Variants in CCDC175 observed in about 807,000 individuals in gnomAD.
CCDC175 encodes coiled-coil domain-containing protein 175.
CCDC175 carries 100 observed loss-of-function variants against 114.6 expected under a neutral mutation model. The observed-to-expected ratio is 0.87, with a 90% CI of 0.74 to 1.03. CCDC175 has a LOEUF of 1.03. Ranked by LOEUF, CCDC175 falls within the 50% of genes least tolerant of loss-of-function variation. The pLI is 0.00. For missense variants in CCDC175, 880 were observed against 917.8 expected (o/e 0.96, Z 0.53); for synonymous variants, 306 against 308.7 (o/e 0.99, Z 0.09).
chr14:59,575,178 C>A, intron 1 of CCDC175, 150 bp from the exon 2 acceptor site: 1 of 492,016 alleles, frequency 2.0e-6, no homozygotes, highest in Non-Finnish European at 3.6e-6. Context: ...CTCTTTTGTA[C>A]TTATTTCCTA....
At chr14:59,543,307 A>C (rs1340770158) in intron 10 of CCDC175, 37 bp downstream of exon 10, 3 of 693,100 alleles carry the variant, frequency 4.3e-6, no homozygotes, top group Non-Finnish European at 6.9e-6. Context: ...AATGCAGAGA[A>C]AGTAAAGATA....
At chr14:59,522,232 C>G (rs1893463008) in intron 16 of CCDC175, among the ~76,000 whole-genome samples, 2 of 152,148 alleles carry the variant, frequency 1.3e-5, no homozygotes. Context: ...CCCAGGAACT[C>G]TGGAAATATG....
chr14:59,511,147 G>A (rs1050795943), intron 18 of CCDC175, among the ~76,000 whole-genome samples: 2 of 152,136 alleles, frequency 1.3e-5, no homozygotes, highest in Admixed American at 6.5e-5. Flanking sequence ...TTGGAATCAG[G>A]CAGGATCTGG....
At chr14:59,523,595 T>TG (rs1432796028) in intron 16 of CCDC175, among the ~76,000 whole-genome samples, 5 of 152,144 alleles carry the variant, frequency 3.3e-5, no homozygotes, top group African/African-American at 4.8e-5. Flanking sequence ...GCAAAACACT[T>TG]GGGGTACATT....
intron 13 of CCDC175, among the ~76,000 whole-genome samples, chr14:59,535,609 C>T (rs1343926382): frequency 6.6e-6 from 1 of 152,210 alleles, no homozygotes; most frequent in Non-Finnish European, 1.5e-5. Context: ...ATTGTTCTTC[C>T]TATGTCCACC....
intron 7 of CCDC175, among the ~76,000 whole-genome samples, chr14:59,553,242 C>T (rs1250154794): frequency 6.6e-6 from 1 of 152,186 alleles, no homozygotes; most frequent in Non-Finnish European, 1.5e-5. Flanking sequence ...CAAAGGGAAG[C>T]CCAGCAGATT....
intron 8 of CCDC175, among the ~76,000 whole-genome samples, chr14:59,547,834 T>C (rs1895207788): frequency 6.6e-6 from 1 of 152,212 alleles, no homozygotes; most frequent in East Asian, 1.9e-4. Flanking sequence ...TTAAAATTAA[T>C]AAATTATATT....
chr14:59,554,375 C>G, intron 7 of CCDC175, among the ~76,000 whole-genome samples: 1 of 151,976 alleles, frequency 6.6e-6, no homozygotes, highest in East Asian at 1.9e-4. Flanking sequence ...ACTGGGTACA[C>G]AATGAAATGA....
chr14:59,511,910 A>T (rs1371076301), intron 17 of CCDC175, 107 bp from the exon 18 acceptor site: 1 of 796,786 alleles, frequency 1.3e-6, no homozygotes, highest in Admixed American at 2.5e-5. Flanking sequence ...TTTATCTAAA[A>T]ATGTCTAGTT....
At chr14:59,516,409 G>A (rs889839771) in intron 17 of CCDC175, among the ~76,000 whole-genome samples, 2 of 152,104 alleles carry the variant, frequency 1.3e-5, no homozygotes, top group Admixed American at 6.5e-5. Flanking sequence ...CAACAAAATC[G>A]ATAGATTGCT....
At chr14:59,526,963 C>A in intron 15 of CCDC175, 132 bp downstream of exon 15, 1 of 535,244 alleles carries the variant, frequency 1.9e-6, no homozygotes, top group Non-Finnish European at 3.2e-6. Flanking sequence ...GATTGTTAAA[C>A]ATTGATATTG....
intron 17 of CCDC175, among the ~76,000 whole-genome samples, chr14:59,514,121 A>G (rs1265701828): frequency 6.6e-6 from 1 of 152,224 alleles, no homozygotes; most frequent in Non-Finnish European, 1.5e-5. Context: ...TGTTAGAAGG[A>G]AAACTAAAAA....
chr14:59,527,031 A>G (rs1419111301), intron 15 of CCDC175, 64 bp downstream of exon 15: 2 of 829,478 alleles, frequency 2.4e-6, no homozygotes, highest in Non-Finnish European at 3.6e-6. Flanking sequence ...GGTAAATACT[A>G]CCATCTGTAT....
intron 9 of CCDC175, among the ~76,000 whole-genome samples, chr14:59,544,023 T>G (rs913368955): frequency 1.3e-5 from 2 of 152,232 alleles, no homozygotes; most frequent in African/African-American, 2.4e-5. Context: ...GAGTGTGATC[T>G]TAAGCTAACA....
In CCDC175 at chr14:59,511,548, TAAA is replaced by T. The variant is rs34490884; in HGVS notation, c.2142+209_2142+211del. Among the ~76,000 whole-genome samples, 862 of 94,650 alleles carry T rather than the reference TAAA, an allele frequency of 9.1e-3. 14 individuals are homozygous for T. Among genetic ancestry groups the T allele is most frequent in the African/African-American group, 0.034 (830 of 24,362 alleles). 62.1% of individuals were successfully genotyped at this position (94,650 alleles called of 152,430 possible). A position where few individuals can be genotyped will look rare whatever the true frequency, so the allele number is the denominator to read the frequency against. ...ATTAAGATTTCATAGTGATATTTGG[TAAA>T]AAAAAAAAAAAAAAAAGACACATTT... is the stretch of plus-strand genomic sequence containing the variant. On this transcript the variant is annotated intron_variant, in intron 18 of 19. Transcript: ENST00000537690.
Position 59,511,749 on chromosome 14 carries a change from G to T in CCDC175, c.2142+11C>A. 6.5e-7 allele frequency: 1 copy of T among 1,533,902 alleles called. No individual in the cohort carries two copies. The highest frequency in any genetic ancestry group is 8.7e-7 in the Non-Finnish European group (1 of 1,144,128). On this transcript the variant is annotated intron_variant, in intron 18 of 19. Coordinates refer to ENST00000537690, the MANE Select transcript of CCDC175 (RefSeq NM_001164399.2). Reference sequence around the variant, plus strand: ...ATTTATATGGAGGCAACAGACACACGCAAAACTCACCTTAACTGTGGTCTG... The same window carrying T: ...ATTTATATGGAGGCAACAGACACACTCAAAACTCACCTTAACTGTGGTCTG...
At chr14:59,573,660 T>G (rs2057247) in intron 2 of CCDC175, among the ~76,000 whole-genome samples, 137,299 of 149,766 alleles carry the variant, frequency 0.92, 63,063 homozygotes, top group East Asian at 1. Context: ...TGTTGACCAG[T>G]CTGGAGTGCA....
intron 4 of CCDC175, among the ~76,000 whole-genome samples, chr14:59,567,895 A>T (rs1227742859): frequency 6.6e-6 from 1 of 152,176 alleles, no homozygotes; most frequent in East Asian, 1.9e-4. Context: ...GGGGTTTGTA[A>T]ACTTAATTCT....
chr14:59,518,180 C>T (rs960502082), intron 17 of CCDC175, among the ~76,000 whole-genome samples: 22 of 152,224 alleles, frequency 1.4e-4, no homozygotes, highest in African/African-American at 4.6e-4. Context: ...TCAAGATGGA[C>T]TAAAGACTTA....
Sources: gnomAD v4.1 joint callset for allele counts (sites outside exome capture counted in the v4.1 genomes callset) on GRCh38, gnomAD v4.1.1 for gene constraint, MANE v1.5 for transcripts, NCBI Gene and HGNC (gene_info 2026-07-23, HGNC 2026-07-21) for gene names.